Variants in SYN3 observed in about 807,000 individuals in gnomAD.
The protein encoded by SYN3 is synapsin-3.
In SYN3, 35 loss-of-function variants were observed where a neutral mutation model predicts 65.8. The observed-to-expected ratio is 0.53, with a 90% CI of 0.41 to 0.70. SYN3 has a LOEUF of 0.70. Ranked by LOEUF, SYN3 falls within the 30% of genes least tolerant of loss-of-function variation. The pLI, the probability that SYN3 is intolerant of heterozygous loss-of-function variation, is 0.00. For synonymous variants in SYN3, 270 were observed against 292.9 expected, an observed-to-expected ratio of 0.92 and a Z score of 0.80; for missense variants, 680 against 749.0, an observed-to-expected ratio of 0.91 and a Z score of 1.08.
At chr22:32,665,085 G>A (rs2147031618) in intron 6 of SYN3, among the ~76,000 whole-genome samples, 1 of 131,906 alleles carries the variant, frequency 7.6e-6, no homozygotes, top group African/African-American at 2.9e-5. Flanking sequence ...CACAACCTCT[G>A]CCTCCTGGTT....
chr22:32,948,403 C>T (rs113532959), intron 3 of SYN3, among the ~76,000 whole-genome samples: 15 of 152,248 alleles, frequency 9.9e-5, no homozygotes, highest in African/African-American at 2.9e-4. Context: ...GTTCCAGGCT[C>T]TGTTATAGGT....
intron 6 of SYN3, among the ~76,000 whole-genome samples, chr22:32,792,025 C>T (rs1216261463): frequency 2.0e-5 from 3 of 152,120 alleles, no homozygotes; most frequent in Non-Finnish European, 2.9e-5. Flanking sequence ...TCTCATTCAC[C>T]TTTATACCCC....
chr22:32,585,191 C>T (rs1041578389), intron 7 of SYN3, among the ~76,000 whole-genome samples: 2 of 152,184 alleles, frequency 1.3e-5, no homozygotes, highest in Non-Finnish European at 2.9e-5. Flanking sequence ...TTGTTACTAT[C>T]CTCCTTCTCT....
rs1415043706 is a variant in SYN3, at chr22:32,911,251, T to C, written c.461+20139A>G. Among the ~76,000 whole-genome samples the C allele has an allele frequency of 2.0e-5, 3 of 152,220 alleles. 1 individual carries two copies. Among genetic ancestry groups the C allele is most frequent in the Admixed American group, 2.0e-4 (3 of 15,282 alleles). On this transcript the variant is annotated intron_variant, in intron 4 of 13. Coordinates refer to ENST00000358763, the MANE Select transcript of SYN3 (RefSeq NM_003490.4). Reference sequence around the variant, plus strand: ...CCCAGGGATATCCAATGTTCTTTCCTGCAAGCCACGTTCTCCAGCCTTTCC... The same window carrying C: ...CCCAGGGATATCCAATGTTCTTTCCCGCAAGCCACGTTCTCCAGCCTTTCC...
intron 6 of SYN3, among the ~76,000 whole-genome samples, chr22:32,614,143 T>G (rs939867073): frequency 3.3e-5 from 5 of 152,206 alleles, no homozygotes; most frequent in African/African-American, 1.2e-4. Flanking sequence ...GCTGTTGGTA[T>G]TATTGTTGTT....
intron 6 of SYN3, among the ~76,000 whole-genome samples, chr22:32,749,138 G>T (rs1602051647): frequency 6.6e-6 from 1 of 152,016 alleles, no homozygotes; most frequent in South Asian, 2.1e-4. Context: ...GGCAAATTTG[G>T]TGTCCAGGGA....
intron 1 of SYN3, among the ~76,000 whole-genome samples, chr22:33,020,999 TG>T (rs1430399797): frequency 6.6e-6 from 1 of 152,258 alleles, no homozygotes; most frequent in African/African-American, 2.4e-5. Context: ...GCTTGGCACA[TG>T]GTAAACAATC....
chr22:33,036,338 C>T, intron 1 of SYN3, among the ~76,000 whole-genome samples: 1 of 152,134 alleles, frequency 6.6e-6, no homozygotes, highest in East Asian at 1.9e-4. Context: ...CCAAAATATA[C>T]CACTTTGGCA....
chr22:32,872,974 C>T (rs2048890264), intron 4 of SYN3, among the ~76,000 whole-genome samples: 1 of 134,790 alleles, frequency 7.4e-6, no homozygotes, highest in Non-Finnish European at 1.5e-5. Context: ...CAGAGTCTGG[C>T]TCTATTGTCC....
chr22:32,720,401 G>T (rs1426721445), intron 6 of SYN3, among the ~76,000 whole-genome samples: 1 of 152,152 alleles, frequency 6.6e-6, no homozygotes, highest in Non-Finnish European at 1.5e-5. Flanking sequence ...TATTGGTGCT[G>T]GTTACGGTGG....
At chr22:33,048,978 T>C (rs1381990016) in intron 1 of SYN3, among the ~76,000 whole-genome samples, 11 of 152,190 alleles carry the variant, frequency 7.2e-5, no homozygotes. Flanking sequence ...ACCTTCTTTT[T>C]CTACTTCTTT....
chr22:32,791,954 C>T (rs2046332930), intron 6 of SYN3, among the ~76,000 whole-genome samples: 2 of 152,122 alleles, frequency 1.3e-5, no homozygotes, highest in Admixed American at 1.3e-4. Context: ...GATATAAGCA[C>T]ATGCTCTTTC....
chr22:32,983,271 G>T (rs927157027), intron 2 of SYN3, among the ~76,000 whole-genome samples: 1 of 152,296 alleles, frequency 6.6e-6, no homozygotes, highest in East Asian at 1.9e-4. Context: ...TCAGCTGGAT[G>T]CAGCCACATG....
Position 32,518,011 on chromosome 22 carries a change from C to T in SYN3, c.1610+32G>A, listed in dbSNP as rs1295624088. The T allele has an allele frequency of 2.0e-6, 3 of 1,507,652 alleles. No individual in the cohort carries two copies. In the African/African-American group the frequency reaches 4.2e-5, roughly 21 times the overall value. The allele number at this position is 1,507,652 out of a possible 1,614,324, so 93.4% of individuals were successfully genotyped here. ...AGCTCTGCCTACACCCCAGCTCTAT[C>T]CTATACCTTTTCCAATTCCCAAAGC... On this transcript the variant is annotated intron_variant, in intron 13 of 13. Transcript: ENST00000358763.
rs866848924 is a variant in SYN3, at chr22:32,760,842, A to G, written c.711+104073T>C. 1.5e-4 allele frequency among the ~76,000 whole-genome samples: 23 copies of G among 152,310 alleles called. 1 individual carries two copies. The South Asian group carries it at 2.5e-3, about 16-fold the overall frequency. On this transcript the variant is annotated intron_variant, in intron 6 of 13. Coordinates refer to ENST00000358763, the MANE Select transcript of SYN3 (RefSeq NM_003490.4). ...TTAGCAGGACCAAAGAGAAACTTTG[A>G]GTATATTTGAGAGTGAGATGCTTTA...
Position 32,608,131 on chromosome 22 carries a change from G to A in SYN3, c.712-11395C>T, listed in dbSNP as rs537211358. ...CACCCAGGCTGGAGTGCAGTGGTGT[G>A]ATCTCGGCTCACTGCAACCTCCGCC... On this transcript the variant is annotated intron_variant, in intron 6 of 13. Transcript: ENST00000358763. Among the ~76,000 whole-genome samples, 13 of 151,380 alleles carry A rather than the reference G, an allele frequency of 8.6e-5. No homozygotes were observed. The South Asian group carries it at 2.5e-3, about 29-fold the overall frequency.
At chr22:32,566,958 C>A (rs1339962174) in intron 7 of SYN3, among the ~76,000 whole-genome samples, 1 of 152,020 alleles carries the variant, frequency 6.6e-6, no homozygotes, top group East Asian at 1.9e-4. Context: ...AAAGACTCCA[C>A]TGAGATGGGA....
chr22:32,874,791 A>G (rs182347456), intron 4 of SYN3, among the ~76,000 whole-genome samples: 208 of 152,318 alleles, frequency 1.4e-3, no homozygotes, highest in Non-Finnish European at 2.5e-3. Flanking sequence ...TCTGACGTCC[A>G]TGTCAACGGG....
chr22:32,852,890 G>C (rs895687848), intron 6 of SYN3, among the ~76,000 whole-genome samples: 1 of 152,192 alleles, frequency 6.6e-6, no homozygotes, highest in Non-Finnish European at 1.5e-5. Flanking sequence ...TCAGGACCAT[G>C]AGAAACCGAT....
Sources: gnomAD v4.1 joint callset for allele counts (sites outside exome capture counted in the v4.1 genomes callset) on GRCh38, gnomAD v4.1.1 for gene constraint, MANE v1.5 for transcripts, NCBI Gene and HGNC (gene_info 2026-07-23, HGNC 2026-07-21) for gene names.